OPCML: variants seen among roughly 807,000 people sequenced by gnomAD.
OPCML encodes opioid binding protein/cell adhesion molecule like.
A neutral mutation model predicts 37.8 loss-of-function variants in OPCML; 13 were observed. That is an observed-to-expected ratio of 0.34 (90% CI 0.22 to 0.55). The LOEUF (loss-of-function observed/expected upper bound fraction) is 0.55. OPCML is among the 20% of genes least tolerant of loss of function. The probability of loss-of-function intolerance (pLI) is 0.91; values close to 1 mark genes in which losing one functional copy is unlikely to be tolerated. For synonymous variants in OPCML, 176 were observed against 168.8 expected (o/e 1.04, Z -0.33); for missense variants, 341 against 435.6 (o/e 0.78, Z 1.93).
intron 3 of OPCML, among the ~76,000 whole-genome samples, chr11:132,607,671 C>T (rs1443862740): frequency 1.3e-5 from 2 of 152,194 alleles, no homozygotes; most frequent in African/African-American, 4.8e-5. Context: ...AGCTTCAGCT[C>T]GGTGAGTTCA....
At chr11:132,726,156 C>G (rs1176494618) in intron 2 of OPCML, among the ~76,000 whole-genome samples, 1 of 152,194 alleles carries the variant, frequency 6.6e-6, no homozygotes, top group East Asian at 1.9e-4. Flanking sequence ...GCGCCCCACT[C>G]TACTGTTTTT....
intron 2 of OPCML, among the ~76,000 whole-genome samples, chr11:132,718,442 G>A (rs1035310430): frequency 3.9e-5 from 6 of 152,224 alleles, no homozygotes; most frequent in East Asian, 3.9e-4. Flanking sequence ...TGTGTTGCAC[G>A]GTCATGTGTA....
At chr11:133,352,987 T>C (rs1944175803) in intron 1 of OPCML, among the ~76,000 whole-genome samples, 1 of 152,222 alleles carries the variant, frequency 6.6e-6, no homozygotes, top group African/African-American at 2.4e-5. Flanking sequence ...AATTGCAAAG[T>C]CTCTAACATA....
intron 1 of OPCML, among the ~76,000 whole-genome samples, chr11:133,501,496 A>G (rs1947914504): frequency 6.6e-6 from 1 of 152,250 alleles, no homozygotes. Context: ...TTTAAATCAG[A>G]TAACTGACTT....
chr11:133,363,969 C>A (rs1409138873), intron 1 of OPCML, among the ~76,000 whole-genome samples: 5 of 152,184 alleles, frequency 3.3e-5, no homozygotes, highest in African/African-American at 1.2e-4. Flanking sequence ...AGCCCTGACG[C>A]TGCACAGCAC....
chr11:133,046,757 A>G (rs1591948259), intron 1 of OPCML, among the ~76,000 whole-genome samples: 1 of 152,156 alleles, frequency 6.6e-6, no homozygotes, highest in East Asian at 1.9e-4. Flanking sequence ...TAATGCCACA[A>G]AAGGAAATTT....
At chr11:132,767,006 AG>A (rs1946466747) in intron 2 of OPCML, among the ~76,000 whole-genome samples, 1 of 152,222 alleles carries the variant, frequency 6.6e-6, no homozygotes, top group African/African-American at 2.4e-5. Flanking sequence ...TGATTCACAC[AG>A]ATATGTACAT....
intron 2 of OPCML, among the ~76,000 whole-genome samples, chr11:132,677,020 C>A (rs891711995): frequency 2.6e-5 from 4 of 151,814 alleles, no homozygotes; most frequent in East Asian, 1.9e-4. Context: ...ACCAAAAAAT[C>A]CTTCCTGGAC....
At chr11:133,048,088 G>A (rs1948057347) in intron 1 of OPCML, among the ~76,000 whole-genome samples, 1 of 152,122 alleles carries the variant, frequency 6.6e-6, no homozygotes, top group Non-Finnish European at 1.5e-5. Context: ...TAAGACGCAT[G>A]CATGGCTTCC....
chr11:132,473,874 G>C (rs760042339), intron 4 of OPCML, among the ~76,000 whole-genome samples: 1 of 152,056 alleles, frequency 6.6e-6, no homozygotes, highest in Non-Finnish European at 1.5e-5. Context: ...CTTTACATAA[G>C]GCCCAAAAGT....
intron 1 of OPCML, among the ~76,000 whole-genome samples, chr11:133,078,094 T>C (rs2137023846): frequency 6.6e-6 from 1 of 152,262 alleles, no homozygotes; most frequent in East Asian, 1.9e-4. Flanking sequence ...ATCGGCGTAC[T>C]GAAGTGGGAA....
At chr11:133,321,137 G>A (rs1048976550) in intron 1 of OPCML, among the ~76,000 whole-genome samples, 5 of 151,994 alleles carry the variant, frequency 3.3e-5, no homozygotes, top group African/African-American at 9.7e-5. Flanking sequence ...TGCCGTATTT[G>A]GTAGAAATTA....
chr11:132,592,385 C>T (rs1233173464), intron 3 of OPCML, among the ~76,000 whole-genome samples: 1 of 152,096 alleles, frequency 6.6e-6, no homozygotes, highest in Admixed American at 6.6e-5. Flanking sequence ...AGCCAGGGTA[C>T]CTGGCTGGTA....
chr11:133,267,873 C>T (rs1035600006), intron 1 of OPCML, among the ~76,000 whole-genome samples: 6 of 152,176 alleles, frequency 3.9e-5, no homozygotes, highest in Non-Finnish European at 5.9e-5. Flanking sequence ...CTCCTCCTTA[C>T]CTTCTGCATG....
At chr11:132,829,337 A>T (rs1352438420) in intron 2 of OPCML, among the ~76,000 whole-genome samples, 1 of 152,238 alleles carries the variant, frequency 6.6e-6, no homozygotes, top group Non-Finnish European at 1.5e-5. Flanking sequence ...TTTAATCCAT[A>T]TTGAAACCCT....
intron 1 of OPCML, among the ~76,000 whole-genome samples, chr11:133,180,752 C>T (rs747471396): frequency 3.3e-5 from 5 of 149,596 alleles, no homozygotes; most frequent in Non-Finnish European, 7.4e-5. Context: ...GGCTGCTTTA[C>T]GGTACGCATC....
chr11:133,410,236 T>C (rs1945615830), intron 1 of OPCML, among the ~76,000 whole-genome samples: 1 of 152,134 alleles, frequency 6.6e-6, no homozygotes, highest in South Asian at 2.1e-4. Flanking sequence ...ATAGGGTGAA[T>C]GTTAGAAAAA....
chr11:133,261,524 G>A (rs1941496091), intron 1 of OPCML, among the ~76,000 whole-genome samples: 2 of 152,148 alleles, frequency 1.3e-5, no homozygotes, highest in East Asian at 1.9e-4. Context: ...GGCATCAGAC[G>A]AAAGAGTGGT....
chr11:132,585,596 G>C (rs752475688), intron 3 of OPCML, among the ~76,000 whole-genome samples: 1 of 152,074 alleles, frequency 6.6e-6, no homozygotes, highest in Non-Finnish European at 1.5e-5. Context: ...TCAAGATCGG[G>C]CAATTGTCAC....
Sources: allele counts gnomAD v4.1 joint callset (sites outside exome capture counted in the v4.1 genomes callset), GRCh38; gene constraint gnomAD v4.1.1; transcripts MANE v1.5; gene names NCBI Gene and HGNC (gene_info 2026-07-23, HGNC 2026-07-21).